The following IFT81 variants were observed in gnomAD, a reference collection of about 807,000 sequenced individuals.
IFT81 encodes intraflagellar transport protein 81 homolog.
IFT81 carries 72 observed loss-of-function variants against 102.6 expected under a neutral mutation model. That is an observed-to-expected ratio of 0.70 (90% CI 0.58 to 0.85). The LOEUF (loss-of-function observed/expected upper bound fraction) is 0.85, where lower values mean the gene tolerates loss of function less well. Among genes scored for constraint, IFT81 ranks in the 40% least tolerant of loss-of-function variants. IFT81 has a pLI of 0.00. For missense variants in IFT81, 723 were observed against 787.3 expected (o/e 0.92, Z 0.98); for synonymous variants, 237 against 242.7 (o/e 0.98, Z 0.22).
chr12:110,183,583 C>G (rs1348957274), intron 12 of IFT81, among the ~76,000 whole-genome samples: 1 of 152,190 alleles, frequency 6.6e-6, no homozygotes, highest in Non-Finnish European at 1.5e-5. Flanking sequence ...CATCTGCTGG[C>G]CAAATCATCC....
At chr12:110,216,860 ATAAG>A (rs1870206856) in intron 18 of IFT81, 1 of 298,904 alleles carries the variant, frequency 3.3e-6, no homozygotes, top group East Asian at 1.1e-4. Flanking sequence ...TCTTGAATAA[ATAAG>A]TATTAGGTTT....
At chr12:110,175,803 C>G (rs542328044) in intron 11 of IFT81, among the ~76,000 whole-genome samples, 1 of 152,044 alleles carries the variant, frequency 6.6e-6, no homozygotes, top group Admixed American at 6.5e-5. Context: ...AATGGTATCT[C>G]ATTGTTTTAT....
At chr12:110,176,169 G>C (rs1408016861) in intron 11 of IFT81, among the ~76,000 whole-genome samples, 1 of 151,858 alleles carries the variant, frequency 6.6e-6, no homozygotes, top group Non-Finnish European at 1.5e-5. Context: ...CTGTTGACCT[G>C]TACCTCCATT....
chr12:110,147,064 T>C lies in IFT81; in HGVS notation c.1041+16T>C. 1.9e-6 allele frequency: 3 copies of C among 1,580,192 alleles called. No individual in the cohort carries two copies. Among genetic ancestry groups the C allele is most frequent in the Non-Finnish European group, 2.6e-6 (3 of 1,162,082 alleles). The stretch of plus-strand genomic sequence containing the variant: ...TAGGCAACAGGTAAGAACATTCTTT[T>C]GGCTCACATATTTAGATCTGTAAGC... On this transcript the variant is annotated intron_variant, in intron 10 of 18. Coordinates refer to ENST00000242591, the MANE Select transcript of IFT81 (RefSeq NM_014055.4).
intron 4 of IFT81, among the ~76,000 whole-genome samples, chr12:110,132,235 C>T (rs558255511): frequency 1.6e-4 from 25 of 152,150 alleles, no homozygotes; most frequent in African/African-American, 4.8e-4. Context: ...GAGGCCAAAG[C>T]GGATGGATCA....
At chr12:110,216,624 C>T (rs1337667223) in intron 18 of IFT81, 1 of 448,218 alleles carries the variant, frequency 2.2e-6, no homozygotes, top group Non-Finnish European at 4.5e-6. Flanking sequence ...AATTCTCCTG[C>T]CTCAGCCTTC....
intron 18 of IFT81, chr12:110,216,519 ATT>A (rs747093612): frequency 2.4e-5 from 9 of 372,664 alleles, no homozygotes; most frequent in African/African-American, 8.1e-5. Flanking sequence ...ATTCACCTTA[ATT>A]TTTTTTTTTT....
At position 110,180,477 on chromosome 12, in the gene IFT81, A is replaced by G. The variant is rs761920048; in HGVS notation, c.1244A>G (p.His415Arg). ...AAGAGTACAGTTTTCAAAAAGAAGC[A>G]TCAGATAATAGCTGAACTTAAAGCT... is the stretch of plus-strand genomic sequence containing the variant. Reference protein sequence around the residue: ...RSKSTVFKKKHQIIAELKAEF... With the variant: ...RSKSTVFKKKRQIIAELKAEF... The change falls in exon 12 of 19, where the codon CAT becomes CGT. Residue 415 changes from histidine to arginine, a missense_variant. Transcript: ENST00000242591. 1 of 1,610,772 alleles carries G rather than the reference A, an allele frequency of 6.2e-7. No homozygotes were observed. Among genetic ancestry groups the G allele is most frequent in the Admixed American group, 1.7e-5 (1 of 59,966 alleles).
chr12:110,189,432 T>G (rs369476675), intron 12 of IFT81, among the ~76,000 whole-genome samples: 2 of 152,254 alleles, frequency 1.3e-5, no homozygotes, highest in South Asian at 2.1e-4. Context: ...CACTGCAAGC[T>G]CCACCTCCCG....
intron 10 of IFT81, among the ~76,000 whole-genome samples, chr12:110,152,498 GT>G (rs1027432334): frequency 2.0e-5 from 3 of 151,842 alleles, no homozygotes; most frequent in Non-Finnish European, 4.4e-5. Context: ...CAGGTTATCT[GT>G]TTTTTTGATA....
chr12:110,180,614 G>A (rs766559706), intron 12 of IFT81, 43 bp downstream of exon 12: 13 of 1,470,540 alleles, frequency 8.8e-6, no homozygotes, highest in Non-Finnish European at 1.2e-5. Flanking sequence ...ACAAATGCCA[G>A]GAGGTTTATG....
At chr12:110,155,818 T>G (rs1254782716) in intron 10 of IFT81, among the ~76,000 whole-genome samples, 1 of 152,212 alleles carries the variant, frequency 6.6e-6, no homozygotes, top group Non-Finnish European at 1.5e-5. Flanking sequence ...TTAAATTCCT[T>G]TCTCATTTCC....
rs1251564270 is a variant in IFT81, at chr12:110,163,774, C to A, written c.1188+709C>A. 7.9e-5 allele frequency among the ~76,000 whole-genome samples: 12 copies of A among 151,712 alleles called. No homozygotes were observed. In the East Asian group the frequency reaches 2.1e-3, roughly 27 times the overall value. Reference sequence around the variant, plus strand: ...GGGATTACAGGTGGACGTCACCAGGCCTGGCTAATTTTTGTATTTTTAGTA... The same window carrying A: ...GGGATTACAGGTGGACGTCACCAGGACTGGCTAATTTTTGTATTTTTAGTA... On this transcript the variant is annotated intron_variant, in intron 11 of 18. Transcript: ENST00000242591.
At chr12:110,138,647 G>T (rs866050508) in intron 8 of IFT81, among the ~76,000 whole-genome samples, 2 of 152,262 alleles carry the variant, frequency 1.3e-5, no homozygotes, top group African/African-American at 4.8e-5. Context: ...TGGTCAGGCT[G>T]GTCTTGAACT....
chr12:110,216,840 C>G (rs1174423268), intron 18 of IFT81: 1 of 302,590 alleles, frequency 3.3e-6, no homozygotes, highest in Non-Finnish European at 6.4e-6. Context: ...ACAGGTGCTT[C>G]ATAATTATAT....
intron 10 of IFT81, among the ~76,000 whole-genome samples, chr12:110,153,397 CTAAT>C (rs1895651432): frequency 6.6e-6 from 1 of 150,780 alleles, no homozygotes; most frequent in African/African-American, 2.4e-5. Flanking sequence ...ACCATGCCAG[CTAAT>C]TTTTTATTTT....
intron 8 of IFT81, among the ~76,000 whole-genome samples, chr12:110,137,591 C>A (rs1038306508): frequency 6.6e-6 from 1 of 151,880 alleles, no homozygotes; most frequent in Non-Finnish European, 1.5e-5. Context: ...AAAAAATTAG[C>A]TGGGCATGAT....
chr12:110,143,597 C>T, intron 9 of IFT81, 52 bp downstream of exon 9: 1 of 1,418,576 alleles, frequency 7.0e-7, no homozygotes, highest in Non-Finnish European at 9.5e-7. Flanking sequence ...ATCCCCAGTC[C>T]TATAAAATTA....
At chr12:110,198,218 ATG>A (rs2137566955) in intron 14 of IFT81, among the ~76,000 whole-genome samples, 1 of 150,550 alleles carries the variant, frequency 6.6e-6, no homozygotes, top group South Asian at 2.1e-4. Flanking sequence ...GTGTGCGCGT[ATG>A]TGTGTGTTTA....
Sources: allele counts gnomAD v4.1 joint callset (sites outside exome capture counted in the v4.1 genomes callset), GRCh38; gene constraint gnomAD v4.1.1; transcripts MANE v1.5; gene names NCBI Gene and HGNC (gene_info 2026-07-23, HGNC 2026-07-21).